Variants in SEZ6L observed in about 807,000 individuals in gnomAD.
The protein encoded by SEZ6L is seizure 6-like protein.
In SEZ6L, 37 loss-of-function variants were observed where a neutral mutation model predicts 106.2. That is an observed-to-expected ratio of 0.35 (90% CI 0.27 to 0.46). SEZ6L has a LOEUF of 0.46. Among genes scored for constraint, SEZ6L ranks in the 20% least tolerant of loss-of-function variants. SEZ6L has a pLI of 1.00. For missense variants in SEZ6L, 1,172 were observed against 1,332.8 expected, an observed-to-expected ratio of 0.88 and a Z score of 1.88; for synonymous variants, 541 against 570.4, an observed-to-expected ratio of 0.95 and a Z score of 0.73.
rs2084383886 is a variant in SEZ6L at position 26,380,602 on chromosome 22, C to T, written c.*307C>T. ...ACACAAAACAGCAGATGGAGTTTCT[C>T]CCATCAGCAATGCCATGCTAAGGCT... On this transcript the variant is annotated 3_prime_UTR_variant, in exon 17 of 17. Coordinates refer to ENST00000248933, the MANE Select transcript of SEZ6L (RefSeq NM_021115.5). The T allele has an allele frequency of 6.2e-6, 2 of 323,456 alleles. No individual in the cohort carries two copies. Among genetic ancestry groups the T allele is most frequent in the Non-Finnish European group, 1.2e-5 (2 of 173,438 alleles). 20.0% of individuals were successfully genotyped at this position (323,456 alleles called of 1,614,324 possible). A position where few individuals can be genotyped will look rare whatever the true frequency, so the allele number is the denominator to read the frequency against.
intron 1 of SEZ6L, among the ~76,000 whole-genome samples, chr22:26,289,690 C>T (rs568182373): frequency 2.0e-5 from 3 of 152,196 alleles, no homozygotes; most frequent in Non-Finnish European, 4.4e-5. Context: ...TTTGTTGATG[C>T]CAGTTGCAAA....
At chr22:26,203,435 T>G (rs985094350) in intron 1 of SEZ6L, among the ~76,000 whole-genome samples, 3 of 152,240 alleles carry the variant, frequency 2.0e-5, no homozygotes, top group Non-Finnish European at 4.4e-5. Flanking sequence ...AGATGAGGGT[T>G]GTTTATTGTT....
chr22:26,293,831 T>C (rs2081214630), intron 2 of SEZ6L, among the ~76,000 whole-genome samples: 1 of 152,240 alleles, frequency 6.6e-6, no homozygotes, highest in South Asian at 2.1e-4. Context: ...TAAAATGCTC[T>C]TCTGTGTTCC....
rs540592876 is a variant in SEZ6L, at chr22:26,216,475, G to A, written c.94+46712G>A. Among the ~76,000 whole-genome samples the A allele has an allele frequency of 9.9e-5, 15 of 152,266 alleles. No homozygotes were observed. The East Asian group carries it at 2.9e-3, about 29-fold the overall frequency. On this transcript the variant is annotated intron_variant, in intron 1 of 16. Coordinates refer to ENST00000248933, the MANE Select transcript of SEZ6L (RefSeq NM_021115.5). ...GTTCGAGACCAGCCTGGCCAACATG[G>A]TAAAACTCTGTCTCCACTAAAAGTA...
intron 1 of SEZ6L, among the ~76,000 whole-genome samples, chr22:26,228,675 T>C (rs1317530826): frequency 6.6e-6 from 1 of 152,142 alleles, no homozygotes; most frequent in African/African-American, 2.4e-5. Context: ...TACTGGGGGC[T>C]TGCTTAGAGC....
At chr22:26,261,350 G>A (rs2079999302) in intron 1 of SEZ6L, among the ~76,000 whole-genome samples, 2 of 152,190 alleles carry the variant, frequency 1.3e-5, no homozygotes, top group Non-Finnish European at 2.9e-5. Context: ...TCTTCTAGAA[G>A]TTTTATAGTT....
chr22:26,197,702 T>C (rs907124616), intron 1 of SEZ6L, among the ~76,000 whole-genome samples: 1 of 152,214 alleles, frequency 6.6e-6, no homozygotes, highest in Non-Finnish European at 1.5e-5. Context: ...ATATAATATG[T>C]AAGAGAAACA....
chr22:26,244,609 T>C (rs2079263864), intron 1 of SEZ6L: 1 of 152,238 alleles, frequency 6.6e-6, no homozygotes, highest in African/African-American at 2.4e-5. Context: ...AGTTGAGGTG[T>C]GCACCTACCT....
chr22:26,211,025 T>C (rs141142558), intron 1 of SEZ6L, among the ~76,000 whole-genome samples: 2,276 of 152,250 alleles, frequency 0.015, 17 homozygotes, highest in Non-Finnish European at 0.023. Context: ...TCAGCTCCAC[T>C]TCACTCATCC....
At chr22:26,361,846 A>G (rs73404701) in intron 12 of SEZ6L, among the ~76,000 whole-genome samples, 9,665 of 152,116 alleles carry the variant, frequency 0.064, 915 homozygotes, top group African/African-American at 0.21. Flanking sequence ...CTTTCAAGAA[A>G]TATTTACTGG....
chr22:26,344,744 T>C (rs2082953852), intron 10 of SEZ6L, among the ~76,000 whole-genome samples: 1 of 152,212 alleles, frequency 6.6e-6, no homozygotes. Flanking sequence ...TCCATCTAAC[T>C]CATCTTAGTG....
At chr22:26,204,838 T>A (rs1941196006) in intron 1 of SEZ6L, among the ~76,000 whole-genome samples, 1 of 152,234 alleles carries the variant, frequency 6.6e-6, no homozygotes, top group Non-Finnish European at 1.5e-5. Context: ...TTTCTGGACC[T>A]TCTGACAGCT....
At chr22:26,263,658 C>T (rs2080088094) in intron 1 of SEZ6L, among the ~76,000 whole-genome samples, 1 of 152,198 alleles carries the variant, frequency 6.6e-6, no homozygotes, top group Non-Finnish European at 1.5e-5. Flanking sequence ...TAGACAGTTT[C>T]CCTTTTATGC....
intron 1 of SEZ6L, among the ~76,000 whole-genome samples, chr22:26,245,995 A>G (rs1463331409): frequency 6.6e-6 from 1 of 152,274 alleles, no homozygotes; most frequent in Non-Finnish European, 1.5e-5. Context: ...AGACCATGCA[A>G]AAATGAGTTT....
chr22:26,356,573 C>T (rs915709426), intron 12 of SEZ6L, among the ~76,000 whole-genome samples: 3 of 151,472 alleles, frequency 2.0e-5, no homozygotes, highest in Admixed American at 6.6e-5. Context: ...ACCCGGGAGG[C>T]GGAGGTTGCA....
At chr22:26,361,359 C>G (rs902895490) in intron 12 of SEZ6L, among the ~76,000 whole-genome samples, 3 of 68,188 alleles carry the variant, frequency 4.4e-5, no homozygotes, top group African/African-American at 1.3e-4. Flanking sequence ...CAAAAAAAAT[C>G]AGCTAGGCTT....
intron 10 of SEZ6L, among the ~76,000 whole-genome samples, chr22:26,342,917 G>C (rs2082888219): frequency 1.3e-5 from 2 of 152,246 alleles, no homozygotes; most frequent in South Asian, 2.1e-4. Flanking sequence ...TACATTCCTG[G>C]CATTTTTATT....
At chr22:26,362,756 C>T (rs1235027741) in intron 12 of SEZ6L, among the ~76,000 whole-genome samples, 6 of 152,196 alleles carry the variant, frequency 3.9e-5, no homozygotes, top group African/African-American at 1.4e-4. Flanking sequence ...AAGTCTCTTC[C>T]CACAGGCTGA....
At chr22:26,217,399 T>G (rs1480213297) in intron 1 of SEZ6L, among the ~76,000 whole-genome samples, 1 of 152,260 alleles carries the variant, frequency 6.6e-6, no homozygotes, top group Non-Finnish European at 1.5e-5. Context: ...TTGTGGCTTC[T>G]GCCAACACAG....
Sources: allele counts gnomAD v4.1 joint callset (sites outside exome capture counted in the v4.1 genomes callset), GRCh38; gene constraint gnomAD v4.1.1; transcripts MANE v1.5; gene names NCBI Gene and HGNC (gene_info 2026-07-23, HGNC 2026-07-21).